The following CARM1 variants were observed in gnomAD, a reference collection of about 807,000 sequenced individuals.
The protein encoded by CARM1 is coactivator associated arginine methyltransferase 1, also known as histone-arginine methyltransferase CARM1.
In CARM1, 14 loss-of-function variants were observed where a neutral mutation model predicts 72.7. That is an observed-to-expected ratio of 0.19 (90% CI 0.13 to 0.30). CARM1 has a LOEUF of 0.30. Among genes scored for constraint, CARM1 ranks in the 10% least tolerant of loss-of-function variants. CARM1 has a pLI of 1.00. For synonymous variants in CARM1, 333 were observed against 345.5 expected (o/e 0.96, Z 0.40); for missense variants, 432 against 833.7 (o/e 0.52, Z 5.93).
In CARM1 at chr19:10,896,243, G is replaced by A. The variant is rs2074023293; in HGVS notation, c.221-8708G>A. Among the ~76,000 whole-genome samples, 1 of 152,008 alleles carries A rather than the reference G, an allele frequency of 6.6e-6. No individual in the cohort carries two copies. Among genetic ancestry groups the A allele is most frequent in the Non-Finnish European group, 1.5e-5 (1 of 67,958 alleles). ...CTCCTGCATGCTGGGACCCAGGGCT[G>A]CCGTGGAGCTGCTTGCTGCCCCACC... On this transcript the variant is annotated intron_variant, in intron 1 of 15. Coordinates refer to ENST00000327064, the MANE Select transcript of CARM1 (RefSeq NM_199141.2). The surrounding 1 kb of genome is among the most constrained non-coding windows in gnomAD (Gnocchi z 5.2).
At position 10,921,718 on chromosome 19, in the gene CARM1, C is replaced by T; in HGVS notation, c.1788C>T (p.Pro596=). 1 of 1,613,244 alleles carries T rather than the reference C, an allele frequency of 6.2e-7. No homozygotes were observed. Among genetic ancestry groups the T allele is most frequent in the Non-Finnish European group, 8.5e-7 (1 of 1,179,610 alleles). The change falls in exon 16 of 16, where the codon CCC becomes CCT. Residue 596 remains proline (P), a synonymous_variant. Coordinates refer to ENST00000327064, the MANE Select transcript of CARM1 (RefSeq NM_199141.2). ...MGGPAISMAS[P]MSIPTNTMHY... ...GCCCCGCCATCTCCATGGCGTCGCC[C>T]ATGTCCATCCCGACCAACACCATGC... is the stretch of plus-strand genomic sequence containing the variant.
intron 1 of CARM1, among the ~76,000 whole-genome samples, chr19:10,880,430 T>C (rs1047270997): frequency 6.6e-6 from 1 of 151,862 alleles, no homozygotes; most frequent in Non-Finnish European, 1.5e-5. Context: ...ATTGCAGCCT[T>C]GAACACCCAG....
intron 4 of CARM1, among the ~76,000 whole-genome samples, chr19:10,911,910 C>T (rs1477580032): frequency 6.6e-6 from 1 of 152,206 alleles, no homozygotes; most frequent in Non-Finnish European, 1.5e-5. Flanking sequence ...AGTGAGCTTC[C>T]AGGGGAGGCC....
In CARM1 at chr19:10,899,723, CT is replaced by C. The variant is rs1354982354; in HGVS notation, c.221-5213del. ...TAGGAACAGTTTTCTTTTTCTTTTT[CT>C]TTTTTTTTTTTTTTGAGACGGAGTC... On this transcript the variant is annotated intron_variant, in intron 1 of 15. Transcript: ENST00000327064. Among the ~76,000 whole-genome samples the C allele has an allele frequency of 1.2e-3, 176 of 141,864 alleles. 1 individual carries two copies. Among genetic ancestry groups the C allele is most frequent in the Middle Eastern group, 0.011 (3 of 266 alleles). 93.1% of individuals were successfully genotyped at this position (141,864 alleles called of 152,430 possible). A position where few individuals can be genotyped will look rare whatever the true frequency, so the allele number is the denominator to read the frequency against.
At chr19:10,902,768 C>T (rs980953314) in intron 1 of CARM1, among the ~76,000 whole-genome samples, 1 of 151,890 alleles carries the variant, frequency 6.6e-6, no homozygotes, top group Non-Finnish European at 1.5e-5. Flanking sequence ...GCCACTACAC[C>T]GACTAATATT....
intron 1 of CARM1, among the ~76,000 whole-genome samples, chr19:10,899,723 C>CTTTTT (rs1354982354): frequency 7.0e-6 from 1 of 141,960 alleles, no homozygotes; most frequent in African/African-American, 2.6e-5. Context: ...TTTTCTTTTT[C>CTTTTT]TTTTTTTTTT....
chr19:10,917,484 A>C (rs2074207333), intron 8 of CARM1, among the ~76,000 whole-genome samples: 1 of 152,082 alleles, frequency 6.6e-6, no homozygotes, highest in South Asian at 2.1e-4. Context: ...CTCAAAAAAA[A>C]AGAAAAAAAG....
chr19:10,921,797 G>A lies in CARM1; in HGVS notation c.*40G>A. ...GACTGACAGCACCAGGAAACCAAAT[G>A]ATGTCCCTGCCCGCCGCCCCCGCCG... On this transcript the variant is annotated 3_prime_UTR_variant, in exon 16 of 16. Transcript: ENST00000327064. The A allele has an allele frequency of 1.3e-6, 2 of 1,550,026 alleles. No homozygotes were observed. Among genetic ancestry groups the A allele is most frequent in the Non-Finnish European group, 1.7e-6 (2 of 1,143,466 alleles).
At chr19:10,891,618 G>T (rs1599692428) in intron 1 of CARM1, among the ~76,000 whole-genome samples, 1 of 152,350 alleles carries the variant, frequency 6.6e-6, no homozygotes, top group South Asian at 2.1e-4. Flanking sequence ...GGATGTTGGG[G>T]GGGTGGTCCC....
chr19:10,920,255 A>G lies in CARM1; in HGVS notation c.1197-181A>G, dbSNP rs2074230784. Among the ~76,000 whole-genome samples, 1 of 151,802 alleles carries G rather than the reference A, an allele frequency of 6.6e-6. No homozygotes were observed. Among genetic ancestry groups the G allele is most frequent in the African/African-American group, 2.4e-5 (1 of 41,294 alleles). ...TCGTGGTTGCGGGCCCCTCGTGTGT[A>G]CATGTATGCCTGCTCATGTTTGTGT... On this transcript the variant is annotated intron_variant, in intron 10 of 15. Transcript: ENST00000327064. The surrounding 1 kb of genome is among the most constrained non-coding windows in gnomAD (Gnocchi z 5.3).
chr19:10,919,762 C>G, intron 9 of CARM1, 82 bp downstream of exon 9: 1 of 1,507,330 alleles, frequency 6.6e-7, no homozygotes, highest in African/African-American at 1.4e-5. Context: ...CGGCATCCTG[C>G]CGTCCCAGGG....
chr19:10,885,680 G>A (rs1005155080), intron 1 of CARM1, among the ~76,000 whole-genome samples: 11 of 152,266 alleles, frequency 7.2e-5, no homozygotes, highest in African/African-American at 2.2e-4. Context: ...TGAACAGGAC[G>A]GGAAGGCGAA....
chr19:10,921,842 C>A lies in CARM1; in HGVS notation c.*85C>A. On this transcript the variant is annotated 3_prime_UTR_variant, in exon 16 of 16. Transcript: ENST00000327064. ...CCGCCGGGCGGCTTTCCCCCTTGTACTGGAGAAGCTCGAACACCCGGTCAC... is the reference window on the plus strand; with the variant it reads ...CCGCCGGGCGGCTTTCCCCCTTGTAATGGAGAAGCTCGAACACCCGGTCAC... The A allele has an allele frequency of 1.5e-6, 2 of 1,344,936 alleles. No individual in the cohort carries two copies. Among genetic ancestry groups the A allele is most frequent in the Non-Finnish European group, 2.0e-6 (2 of 984,408 alleles). 83.3% of individuals were successfully genotyped at this position (1,344,936 alleles called of 1,614,324 possible).
chr19:10,901,629 A>G (rs922021810), intron 1 of CARM1, among the ~76,000 whole-genome samples: 4 of 150,834 alleles, frequency 2.7e-5, no homozygotes, highest in African/African-American at 4.9e-5. Context: ...GGCCCTGGCT[A>G]TCTCTTTGTT....
intron 1 of CARM1, among the ~76,000 whole-genome samples, chr19:10,881,650 G>C (rs539012598): frequency 6.6e-6 from 1 of 151,928 alleles, no homozygotes; most frequent in East Asian, 1.9e-4. Flanking sequence ...GGCAGGTCTT[G>C]GGGGAGGTGA....
chr19:10,896,808 C>A lies in CARM1; in HGVS notation c.221-8143C>A, dbSNP rs546178444. Among the ~76,000 whole-genome samples the A allele has an allele frequency of 6.6e-6, 1 of 152,208 alleles. No homozygotes were observed. Among genetic ancestry groups the A allele is most frequent in the East Asian group, 1.9e-4 (1 of 5,204 alleles). ...TGGGGATCTCTGTCAGTCTGCCACT[C>A]GGCTGTCCTCACCGCCTCTAGGATG... is the stretch of plus-strand genomic sequence containing the variant. On this transcript the variant is annotated intron_variant, in intron 1 of 15. Coordinates refer to ENST00000327064, the MANE Select transcript of CARM1 (RefSeq NM_199141.2). The surrounding 1 kb of genome is among the most constrained non-coding windows in gnomAD (Gnocchi z 5.2).
At chr19:10,888,950 G>A (rs868765161) in intron 1 of CARM1, among the ~76,000 whole-genome samples, 1 of 152,182 alleles carries the variant, frequency 6.6e-6, no homozygotes, top group Non-Finnish European at 1.5e-5. Flanking sequence ...GGAAGCTGTC[G>A]ACCCTTGAAG....
At chr19:10,872,044 C>A in intron 1 of CARM1, 122 bp downstream of exon 1, 2 of 839,694 alleles carry the variant, frequency 2.4e-6, no homozygotes, top group Non-Finnish European at 3.1e-6. Context: ...CGGGACTGAG[C>A]CGGTGGCCTG....
intron 6 of CARM1, among the ~76,000 whole-genome samples, chr19:10,914,968 G>A (rs1422983407): frequency 6.6e-6 from 1 of 152,206 alleles, no homozygotes; most frequent in Admixed American, 6.5e-5. Flanking sequence ...GAGCATTTCT[G>A]TACAGGCAAG....
Sources: allele counts gnomAD v4.1 joint callset (sites outside exome capture counted in the v4.1 genomes callset), GRCh38; gene constraint gnomAD v4.1.1; non-coding constraint Gnocchi (gnomAD v3.1); transcripts MANE v1.5; gene names NCBI Gene and HGNC (gene_info 2026-07-23, HGNC 2026-07-21).